Variants in QPRT observed in about 807,000 individuals in gnomAD.
QPRT encodes the protein quinolinate phosphoribosyltransferase, also known as nicotinate-nucleotide pyrophosphorylase [carboxylating].
Under a neutral mutation model 19.8 loss-of-function variants are expected in QPRT, and 17 were observed. That is an observed-to-expected ratio of 0.86 (90% CI 0.59 to 1.29). The LOEUF (loss-of-function observed/expected upper bound fraction) is 1.29. Among genes scored for constraint, QPRT ranks in the 50% most tolerant of loss-of-function variants. QPRT has a pLI of 0.00. For synonymous variants in QPRT, 178 were observed against 191.0 expected (o/e 0.93, Z 0.56); for missense variants, 336 against 405.1 (o/e 0.83, Z 1.46).
At position 29,695,029 on chromosome 16, in the gene QPRT, G is replaced by A. The variant is rs1416986960; in HGVS notation, c.379G>A (p.Gly127Arg). 1.2e-6 allele frequency: 2 copies of A among 1,604,988 alleles called. No homozygotes were observed. The highest frequency in any genetic ancestry group is 1.7e-6 in the Non-Finnish European group (2 of 1,179,164). The change falls in exon 2 of 4, where the codon GGG becomes AGG. Residue 127 changes from glycine to arginine, a missense_variant. Physicochemically the swap from Gly to Arg is moderately radical, Grantham distance 125. Transcript: ENST00000395384. ...AAAAAVEAAR[G>R]AGWTGHVAGT... Reference sequence around the variant, plus strand: ...CGCCGCTGCAGTGGAGGCCGCCAGGGGGGCCGGCTGGACTGGGCACGTGGC... The same window carrying A: ...CGCCGCTGCAGTGGAGGCCGCCAGGAGGGCCGGCTGGACTGGGCACGTGGC...
intron 1 of QPRT, among the ~76,000 whole-genome samples, chr16:29,691,299 A>T (rs1188097736): frequency 7.7e-6 from 1 of 129,586 alleles, no homozygotes; most frequent in East Asian, 2.6e-4. Context: ...CGCGGGACGG[A>T]GGTTGCAGTG....
chr16:29,685,869 A>T (rs1378930180), intron 1 of QPRT, among the ~76,000 whole-genome samples: 1 of 151,504 alleles, frequency 6.6e-6, no homozygotes, highest in African/African-American at 2.4e-5. Context: ...TGAAAAGAAA[A>T]TTTTTTTTGA....
chr16:29,691,238 A>G (rs13337067), intron 1 of QPRT, among the ~76,000 whole-genome samples: 148,912 of 150,936 alleles, frequency 0.99, 73,484 homozygotes, highest in Middle Eastern at 1. Flanking sequence ...GGTGGCGGGC[A>G]CCTGTAATCC....
intron 1 of QPRT, among the ~76,000 whole-genome samples, chr16:29,692,764 A>C (rs1425440582): frequency 2.0e-5 from 3 of 150,664 alleles, no homozygotes; most frequent in African/African-American, 4.9e-5. Flanking sequence ...AAAACAAATA[A>C]ATAAATAAAT....
rs1967571598 is a variant in QPRT at position 29,697,237 on chromosome 16, C to T, written c.720C>T (p.Phe240=). 1.9e-6 allele frequency: 3 copies of T among 1,613,744 alleles called. No homozygotes were observed. The highest frequency in any genetic ancestry group is 2.5e-6 in the Non-Finnish European group (3 of 1,179,888). ...HPTATVLKAQ[F]PSVAVEASGG... ...CGGCCACCGTGCTGAAGGCCCAGTT[C>T]CCGAGTGTGGCTGTGGAAGCCAGTG... is the stretch of plus-strand genomic sequence containing the variant. The change falls in exon 4 of 4, where the codon TTC becomes TTT. Residue 240 remains phenylalanine (F), a synonymous_variant. Transcript: ENST00000395384. This position sits in a 1 kb window ranked among gnomAD's most constrained non-coding sequence, Gnocchi z 4.4.
At chr16:29,687,155 C>T (rs951564203) in intron 1 of QPRT, among the ~76,000 whole-genome samples, 2 of 152,154 alleles carry the variant, frequency 1.3e-5, no homozygotes, top group African/African-American at 4.8e-5. Context: ...CACAGACACG[C>T]CCGGAGGTTA....
intron 1 of QPRT, among the ~76,000 whole-genome samples, chr16:29,684,371 C>A (rs1490112341): frequency 6.6e-6 from 1 of 152,162 alleles, no homozygotes; most frequent in Non-Finnish European, 1.5e-5. Context: ...TCTCGGCTTA[C>A]TGCAACCTCT....
intron 1 of QPRT, among the ~76,000 whole-genome samples, chr16:29,691,925 A>T (rs1033466719): frequency 6.6e-6 from 1 of 152,186 alleles, no homozygotes; most frequent in African/African-American, 2.4e-5. Flanking sequence ...GGAAGTAGAC[A>T]AGAGAGGGCC....
At position 29,686,914 on chromosome 16, in the gene QPRT, T is replaced by G. The variant is rs115466148; in HGVS notation, c.13+7704T>G. The stretch of plus-strand genomic sequence containing the variant: ...TTCTTTCCATTTTTCACTGATTCTC[T>G]GACACATCCTCATTGAGCACCTGCA... On this transcript the variant is annotated intron_variant, in intron 1 of 3. Transcript: ENST00000395384. 3.3e-3 allele frequency among the ~76,000 whole-genome samples: 500 copies of G among 152,362 alleles called. 3 individuals carry two copies. Among genetic ancestry groups the G allele is most frequent in the African/African-American group, 0.011 (471 of 41,588 alleles).
rs1165672161 is a variant in QPRT at position 29,694,848 on chromosome 16, A to G, written c.198A>G (p.Gln66=). 3 of 1,613,890 alleles carry G rather than the reference A, an allele frequency of 1.9e-6. No individual in the cohort carries two copies. The African/African-American group carries it at 4.0e-5, about 22-fold the overall frequency. ...GQPFFDAIFT[Q]LNCQVSWFLP... ...CTTTCTTCGATGCCATATTTACCCA[A>G]CTCAACTGCCAAGTCTCCTGGTTCC... The change falls in exon 2 of 4, where the codon CAA becomes CAG. Residue 66 remains glutamine (Q), a synonymous_variant. Coordinates refer to ENST00000395384, the MANE Select transcript of QPRT (RefSeq NM_014298.6).
At chr16:29,693,398 G>A (rs1434210875) in intron 1 of QPRT, among the ~76,000 whole-genome samples, 5 of 151,412 alleles carry the variant, frequency 3.3e-5, no homozygotes, top group African/African-American at 9.7e-5. Context: ...TCAGCCTCCC[G>A]AGTGGCTAGG....
intron 1 of QPRT, among the ~76,000 whole-genome samples, chr16:29,679,433 C>T (rs1266009622): frequency 6.6e-6 from 1 of 152,084 alleles, no homozygotes; most frequent in East Asian, 1.9e-4. Flanking sequence ...CCAAGGAGCT[C>T]TGGGGAAGGA....
intron 1 of QPRT, among the ~76,000 whole-genome samples, chr16:29,689,887 C>CT (rs139920735): frequency 0.15 from 22,097 of 152,040 alleles, 2,014 homozygotes; most frequent in Non-Finnish European, 0.2. Flanking sequence ...TTAAAAAGGA[C>CT]AGAAGTTGAG....
At chr16:29,689,904 A>G (rs1250178119) in intron 1 of QPRT, among the ~76,000 whole-genome samples, 1 of 152,068 alleles carries the variant, frequency 6.6e-6, no homozygotes, top group Admixed American at 6.6e-5. Flanking sequence ...TGAGCACCTG[A>G]AGAGCTCGGA....
In QPRT at chr16:29,697,506, C is replaced by A; in HGVS notation, c.*95C>A. On this transcript the variant is annotated 3_prime_UTR_variant, in exon 4 of 4. Transcript: ENST00000395384. The surrounding 1 kb of genome is among the most constrained non-coding windows in gnomAD (Gnocchi z 4.4). ...TCTTTAGGGTCAGTGGCCAATGGGG[C>A]ACATTTGGCACTAGCTTGAGCCCAA... 1 of 1,287,788 alleles carries A rather than the reference C, an allele frequency of 7.8e-7. No homozygotes were observed. The highest frequency in any genetic ancestry group is 1.1e-6 in the Non-Finnish European group (1 of 940,914). 79.8% of individuals were successfully genotyped at this position (1,287,788 alleles called of 1,614,324 possible). A position where few individuals can be genotyped will look rare whatever the true frequency, so the allele number is the denominator to read the frequency against.
At chr16:29,687,911 G>A (rs982461720) in intron 1 of QPRT, among the ~76,000 whole-genome samples, 4 of 151,820 alleles carry the variant, frequency 2.6e-5, no homozygotes, top group Non-Finnish European at 5.9e-5. Context: ...GAGCCCGGGA[G>A]TTCAAGGCTG....
chr16:29,682,203 T>TA (rs201533697), intron 1 of QPRT, among the ~76,000 whole-genome samples: 2 of 132,194 alleles, frequency 1.5e-5, no homozygotes, highest in East Asian at 2.7e-4. Flanking sequence ...CTAATTAAAA[T>TA]AAATTTTTTT....
In QPRT at chr16:29,691,093, G is replaced by A. The variant is rs190620447; in HGVS notation, c.14-3571G>A. 7.5e-4 allele frequency among the ~76,000 whole-genome samples: 114 copies of A among 151,880 alleles called. 1 individual carries two copies. The highest frequency in any genetic ancestry group is 4.3e-4 in the Non-Finnish European group (29 of 67,952). On this transcript the variant is annotated intron_variant, in intron 1 of 3. Transcript: ENST00000395384. ...GAAAAAAATCAGTCTGGCCAGGCAC[G>A]GTGGCTCACGCCTGTAATCCCAGCA...
intron 1 of QPRT, among the ~76,000 whole-genome samples, chr16:29,688,940 C>A (rs1967244918): frequency 6.6e-6 from 1 of 150,860 alleles, no homozygotes; most frequent in African/African-American, 2.4e-5. Context: ...ACCACCATGC[C>A]CGGCTAATTT....
Sources: allele counts gnomAD v4.1 joint callset (sites outside exome capture counted in the v4.1 genomes callset), GRCh38; gene constraint gnomAD v4.1.1; non-coding constraint Gnocchi (gnomAD v3.1); transcripts MANE v1.5; gene names NCBI Gene and HGNC (gene_info 2026-07-23, HGNC 2026-07-21).